Variants in DLGAP2 observed in about 807,000 individuals in gnomAD.
DLGAP2 encodes DLG associated protein 2, also known as disks large-associated protein 2.
Under a neutral mutation model 100.3 loss-of-function variants are expected in DLGAP2, and 26 were observed. That is an observed-to-expected ratio of 0.26 (90% CI 0.19 to 0.36). The LOEUF (loss-of-function observed/expected upper bound fraction) is 0.36. DLGAP2 is among the 10% of genes least tolerant of loss of function. The pLI is 1.00. For synonymous variants in DLGAP2, 886 were observed against 630.1 expected (o/e 1.41, Z -6.08); for missense variants, 1,858 against 1,453.2 (o/e 1.28, Z -4.53).
intron 2 of DLGAP2, among the ~76,000 whole-genome samples, chr8:1,111,366 C>T (rs1804953400): frequency 1.3e-5 from 2 of 152,034 alleles, no homozygotes; most frequent in South Asian, 2.1e-4. Flanking sequence ...TCCCCATTTT[C>T]TGTGTGACCT....
chr8:806,863 G>A (rs1034269703), intron 1 of DLGAP2, among the ~76,000 whole-genome samples: 1 of 152,144 alleles, frequency 6.6e-6, no homozygotes, highest in East Asian at 1.9e-4. Context: ...AATTATCACC[G>A]ATACAAATGA....
chr8:1,135,150 C>G (rs946826217), intron 2 of DLGAP2, among the ~76,000 whole-genome samples: 18 of 152,120 alleles, frequency 1.2e-4, no homozygotes, highest in African/African-American at 4.3e-4. Context: ...TTTTTTGCTG[C>G]TATTGGTTAC....
At chr8:1,321,657 C>T (rs1800905058) in intron 3 of DLGAP2, among the ~76,000 whole-genome samples, 1 of 152,152 alleles carries the variant, frequency 6.6e-6, no homozygotes, top group South Asian at 2.1e-4. Flanking sequence ...GGAATTGAAG[C>T]TCTTATCAGG....
At position 842,239 on chromosome 8, in the gene DLGAP2, A is replaced by C. The variant is rs1254743803; in HGVS notation, c.19-65673A>C. 2.6e-5 allele frequency among the ~76,000 whole-genome samples: 4 copies of C among 152,138 alleles called. 1 individual carries two copies. The highest frequency in any genetic ancestry group is 5.9e-5 in the Non-Finnish European group (4 of 68,042). ...TTTGTTGTCTAGAACTTTCTTCAAA[A>C]CATATTCATGGGAACAATACTCCTT... On this transcript the variant is annotated intron_variant, in intron 1 of 14. Transcript: ENST00000637795.
intron 2 of DLGAP2, among the ~76,000 whole-genome samples, chr8:959,638 A>G (rs1563114685): frequency 6.6e-6 from 1 of 152,172 alleles, no homozygotes; most frequent in African/African-American, 2.4e-5. Flanking sequence ...TCTTCTGGGA[A>G]ACTGTTACTG....
intron 2 of DLGAP2, among the ~76,000 whole-genome samples, chr8:1,027,870 C>T (rs1584991001): frequency 1.4e-5 from 2 of 139,284 alleles, no homozygotes; most frequent in African/African-American, 2.7e-5. Flanking sequence ...GTCAGGCGCC[C>T]GTTATTCTCC....
chr8:1,440,238 G>T (rs1471598627), intron 3 of DLGAP2, among the ~76,000 whole-genome samples: 1 of 152,144 alleles, frequency 6.6e-6, no homozygotes, highest in East Asian at 1.9e-4. Flanking sequence ...TATAAATCGG[G>T]TATCTATTTT....
intron 1 of DLGAP2, among the ~76,000 whole-genome samples, chr8:747,018 G>T (rs73523296): frequency 6.6e-6 from 1 of 151,924 alleles, no homozygotes; most frequent in Non-Finnish European, 1.5e-5. Flanking sequence ...CCAGTGGCTA[G>T]GAAGGGAAAT....
chr8:1,383,383 G>A (rs371240945), intron 3 of DLGAP2, among the ~76,000 whole-genome samples: 7 of 152,232 alleles, frequency 4.6e-5, no homozygotes, highest in Non-Finnish European at 5.9e-5. Flanking sequence ...AATCCTGAAT[G>A]AGAAATGCAT....
At chr8:762,256 A>T (rs1821106858) in intron 1 of DLGAP2, among the ~76,000 whole-genome samples, 1 of 149,950 alleles carries the variant, frequency 6.7e-6, no homozygotes, top group Non-Finnish European at 1.5e-5. Context: ...GTAGCAGTTT[A>T]CTTTTTATGT....
intron 2 of DLGAP2, chr8:926,968 G>C (rs1381333860): frequency 1.0e-6 from 1 of 959,476 alleles, no homozygotes; most frequent in African/African-American, 1.8e-5. Flanking sequence ...GGACAGCGTG[G>C]GGGGAAGCCA....
intron 2 of DLGAP2, among the ~76,000 whole-genome samples, chr8:953,816 CT>C (rs1799537141): frequency 6.6e-6 from 1 of 151,948 alleles, no homozygotes; most frequent in African/African-American, 2.4e-5. Flanking sequence ...AGCAGAAGCG[CT>C]TTATGGGACT....
chr8:1,270,515 T>A (rs1043660021), intron 3 of DLGAP2, among the ~76,000 whole-genome samples: 1 of 152,224 alleles, frequency 6.6e-6, no homozygotes, highest in Non-Finnish European at 1.5e-5. Flanking sequence ...ATGCAGGCTC[T>A]AAGCCCAGCG....
Position 1,059,813 on chromosome 8 carries a change from C to T in DLGAP2, c.73+151847C>T, listed in dbSNP as rs185690760. ...CACCAGGACAGACAGAGACACGCCT[C>T]TTGGGAAGGCAGCCAGGCAGTGGGA... On this transcript the variant is annotated intron_variant, in intron 2 of 14. Transcript: ENST00000637795. Among the ~76,000 whole-genome samples the T allele has an allele frequency of 3.3e-3, 496 of 152,270 alleles. 3 individuals carry two copies. Among genetic ancestry groups the T allele is most frequent in the Non-Finnish European group, 4.9e-3 (331 of 68,030 alleles).
At chr8:1,195,903 A>T (rs1435212844) in intron 2 of DLGAP2, among the ~76,000 whole-genome samples, 3 of 152,170 alleles carry the variant, frequency 2.0e-5, no homozygotes, top group African/African-American at 7.2e-5. Flanking sequence ...AGCATTTCTA[A>T]TTCTCCCACA....
chr8:936,602 C>T (rs1799077535), intron 2 of DLGAP2, among the ~76,000 whole-genome samples: 1 of 152,136 alleles, frequency 6.6e-6, no homozygotes. Flanking sequence ...GCACACCAGG[C>T]CCTGAAACAT....
At chr8:1,067,010 T>C (rs1242836002) in intron 2 of DLGAP2, among the ~76,000 whole-genome samples, 1 of 152,186 alleles carries the variant, frequency 6.6e-6, no homozygotes, top group Non-Finnish European at 1.5e-5. Flanking sequence ...GATGCCCGAC[T>C]CTGACTGGTG....
At chr8:1,408,611 T>C (rs1284407446) in intron 3 of DLGAP2, among the ~76,000 whole-genome samples, 3 of 152,182 alleles carry the variant, frequency 2.0e-5, no homozygotes, top group African/African-American at 7.2e-5. Flanking sequence ...AAGCCTGTTT[T>C]CTGGAGCAGG....
chr8:1,343,062 C>T (rs1400205973), intron 3 of DLGAP2, among the ~76,000 whole-genome samples: 1 of 152,188 alleles, frequency 6.6e-6, no homozygotes, highest in Non-Finnish European at 1.5e-5. Context: ...CATATTTTCA[C>T]AAACCGGAGA....
Sources: gnomAD v4.1 joint callset for allele counts (sites outside exome capture counted in the v4.1 genomes callset) on GRCh38, gnomAD v4.1.1 for gene constraint, MANE v1.5 for transcripts, NCBI Gene and HGNC (gene_info 2026-07-23, HGNC 2026-07-21) for gene names.